Variants in GRIA2 observed in about 807,000 individuals in gnomAD.
GRIA2 encodes glutamate receptor 2.
Under a neutral mutation model 97.3 loss-of-function variants are expected in GRIA2, and 14 were observed. The observed-to-expected ratio is 0.14, with a 90% CI of 0.10 to 0.23. GRIA2 has a LOEUF of 0.23. Among genes scored for constraint, GRIA2 ranks in the 10% least tolerant of loss-of-function variants. GRIA2 has a pLI of 1.00. For missense variants in GRIA2, 558 were observed against 1,069.8 expected (o/e 0.52, Z 6.67); for synonymous variants, 412 against 387.8 (o/e 1.06, Z -0.73).
intron 2 of GRIA2, among the ~76,000 whole-genome samples, chr4:157,274,892 A>G (rs1347957319): frequency 2.0e-5 from 3 of 151,486 alleles, no homozygotes; most frequent in South Asian, 4.2e-4. Flanking sequence ...CAGTAATGGG[A>G]TGGCTGGGTC....
At chr4:157,237,470 T>C (rs1730305478) in intron 2 of GRIA2, among the ~76,000 whole-genome samples, 1 of 151,966 alleles carries the variant, frequency 6.6e-6, no homozygotes, top group African/African-American at 2.4e-5. Flanking sequence ...TTTTTAAAAA[T>C]AGTCTGACTG....
At chr4:157,256,919 C>T (rs575777645) in intron 2 of GRIA2, among the ~76,000 whole-genome samples, 1 of 151,884 alleles carries the variant, frequency 6.6e-6, no homozygotes, top group Non-Finnish European at 1.5e-5. Context: ...GATTTATTTG[C>T]AGTACCATCA....
At chr4:157,348,521 G>A (rs745358715) in intron 12 of GRIA2, among the ~76,000 whole-genome samples, 16 of 152,036 alleles carry the variant, frequency 1.1e-4, no homozygotes, top group Non-Finnish European at 2.1e-4. Flanking sequence ...TTACAGGCAT[G>A]AGCCACCTCA....
At chr4:157,359,870 T>A in intron 12 of GRIA2, 26 bp from the exon 13 acceptor site, 1 of 1,606,130 alleles carries the variant, frequency 6.2e-7, no homozygotes, top group Non-Finnish European at 8.5e-7. Context: ...CTCTTAATGC[T>A]ATCTGGCCCC....
At chr4:157,328,306 A>G (rs1452576115) in intron 6 of GRIA2, among the ~76,000 whole-genome samples, 1 of 152,028 alleles carries the variant, frequency 6.6e-6, no homozygotes, top group East Asian at 1.9e-4. Context: ...TGAAGTGCTA[A>G]CTTAAGCCCT....
At chr4:157,264,147 T>A (rs1731666655) in intron 2 of GRIA2, among the ~76,000 whole-genome samples, 2 of 152,090 alleles carry the variant, frequency 1.3e-5, no homozygotes, top group South Asian at 4.1e-4. Context: ...CCACATTGAT[T>A]GGGTAATGTA....
chr4:157,337,250 G>T (rs1407418940), intron 11 of GRIA2, among the ~76,000 whole-genome samples: 2 of 151,926 alleles, frequency 1.3e-5, no homozygotes. Context: ...AGGTGAGGTT[G>T]CTGGATTAAT....
At position 157,286,603 on chromosome 4, in the gene GRIA2, T is replaced by G. The variant is rs142626553; in HGVS notation, c.230-16949T>G. ...AATCTGTTTATTTATTTGTCTTTCA[T>G]AATATCTTCCAATAAAGTTTGTAAT... On this transcript the variant is annotated intron_variant, in intron 2 of 15. Transcript: ENST00000264426. Among the ~76,000 whole-genome samples, 79 of 151,698 alleles carry G rather than the reference T, an allele frequency of 5.2e-4. No individual in the cohort carries two copies. The East Asian group carries it at 0.015, about 29-fold the overall frequency.
At chr4:157,306,353 T>G (rs1733845498) in intron 3 of GRIA2, among the ~76,000 whole-genome samples, 1 of 152,298 alleles carries the variant, frequency 6.6e-6, no homozygotes, top group East Asian at 1.9e-4. Flanking sequence ...TACGTACTTG[T>G]GAAAAAAATC....
At chr4:157,286,839 A>G (rs544429028) in intron 2 of GRIA2, among the ~76,000 whole-genome samples, 1 of 151,734 alleles carries the variant, frequency 6.6e-6, no homozygotes, top group South Asian at 2.1e-4. Context: ...TGCTGTCATT[A>G]TAATTCAAAT....
chr4:157,269,076 G>A (rs1731899783), intron 2 of GRIA2, among the ~76,000 whole-genome samples: 1 of 152,046 alleles, frequency 6.6e-6, no homozygotes, highest in South Asian at 2.1e-4. Flanking sequence ...CTATAGCTTA[G>A]TGCAGATAGT....
intron 2 of GRIA2, among the ~76,000 whole-genome samples, chr4:157,248,591 A>ATACACG (rs1167244306): frequency 8.2e-6 from 1 of 122,540 alleles, no homozygotes; most frequent in African/African-American, 3.3e-5. Flanking sequence ...ACGTGTATAT[A>ATACACG]TGTATATATA....
At chr4:157,292,642 T>C (rs1201886410) in intron 2 of GRIA2, among the ~76,000 whole-genome samples, 2 of 151,994 alleles carry the variant, frequency 1.3e-5, no homozygotes, top group African/African-American at 4.8e-5. Flanking sequence ...TAAAGGGTAA[T>C]CTAATAGTAA....
chr4:157,274,937 G>C (rs72617495), intron 2 of GRIA2, among the ~76,000 whole-genome samples: 44,226 of 148,966 alleles, frequency 0.3, 8,198 homozygotes, highest in African/African-American at 0.46. Flanking sequence ...CCTGAGGAAT[G>C]GCCACATCGA....
chr4:157,231,409 T>A (rs1730013533), intron 2 of GRIA2, among the ~76,000 whole-genome samples: 1 of 152,122 alleles, frequency 6.6e-6, no homozygotes, highest in Non-Finnish European at 1.5e-5. Flanking sequence ...ACTCCTGGCC[T>A]TAAGCGATCC....
chr4:157,242,582 CT>C (rs138774839), intron 2 of GRIA2, among the ~76,000 whole-genome samples: 6,975 of 152,108 alleles, frequency 0.046, 213 homozygotes, highest in Non-Finnish European at 0.071. Context: ...AAGTTTACCA[CT>C]TTTCCCCTGA....
At chr4:157,222,938 C>T (rs1277278286) in intron 2 of GRIA2, among the ~76,000 whole-genome samples, 1 of 152,190 alleles carries the variant, frequency 6.6e-6, no homozygotes, top group East Asian at 1.9e-4. Context: ...CAGCAGCTGC[C>T]ATCATTTCCT....
At chr4:157,285,137 T>C (rs1039405160) in intron 2 of GRIA2, among the ~76,000 whole-genome samples, 6 of 151,652 alleles carry the variant, frequency 4.0e-5, no homozygotes, top group Non-Finnish European at 8.9e-5. Flanking sequence ...CCTCAATTGG[T>C]CTTAATGAGC....
chr4:157,355,989 TTA>T (rs1316858239), intron 12 of GRIA2, among the ~76,000 whole-genome samples: 1,441 of 80,968 alleles, frequency 0.018, 40 homozygotes, highest in Middle Eastern at 0.054. Context: ...ATTTATATAT[TTA>T]TATATATTTA....
Sources: allele counts gnomAD v4.1 joint callset (sites outside exome capture counted in the v4.1 genomes callset), GRCh38; gene constraint gnomAD v4.1.1; transcripts MANE v1.5; gene names NCBI Gene and HGNC (gene_info 2026-07-23, HGNC 2026-07-21).